Variants in ABCD2 observed in about 807,000 individuals in gnomAD.
ABCD2 encodes ATP-binding cassette sub-family D member 2.
In ABCD2, 36 loss-of-function variants were observed where a neutral mutation model predicts 70.9. That is an observed-to-expected ratio of 0.51 (90% CI 0.39 to 0.67). The LOEUF (loss-of-function observed/expected upper bound fraction) is 0.67, where lower values mean the gene tolerates loss of function less well. ABCD2 is among the 30% of genes least tolerant of loss of function. The pLI is 0.00. For missense variants in ABCD2, 729 were observed against 890.2 expected (o/e 0.82, Z 2.30); for synonymous variants, 304 against 306.9 (o/e 0.99, Z 0.10).
At chr12:39,570,191 C>A (rs1373859243) in intron 9 of ABCD2, among the ~76,000 whole-genome samples, 1 of 152,160 alleles carries the variant, frequency 6.6e-6, no homozygotes, top group Admixed American at 6.5e-5. Flanking sequence ...AATTCAATCC[C>A]TATGGAAATG....
intron 1 of ABCD2, among the ~76,000 whole-genome samples, chr12:39,618,371 A>T (rs983179348): frequency 6.6e-6 from 1 of 152,172 alleles, no homozygotes; most frequent in African/African-American, 2.4e-5. Flanking sequence ...TTGGGATTTA[A>T]GTTTTAAGAA....
intron 6 of ABCD2, among the ~76,000 whole-genome samples, chr12:39,599,399 AC>A (rs1230035640): frequency 6.6e-6 from 1 of 152,242 alleles, no homozygotes; most frequent in Non-Finnish European, 1.5e-5. Context: ...TAAAACAGAA[AC>A]TTTTGGCAGT....
At chr12:39,532,306 A>G in the ABCD2 span, among the ~76,000 whole-genome samples, 1 of 152,234 alleles carries the variant, frequency 6.6e-6, no homozygotes. Context: ...GAAATGAAAG[A>G]GAATTGTGCT....
chr12:39,533,325 C>T, the ABCD2 span, among the ~76,000 whole-genome samples: 4 of 152,258 alleles, frequency 2.6e-5, no homozygotes, highest in Admixed American at 2.6e-4. Flanking sequence ...ATGCTTATTA[C>T]TTTTACCATT....
intron 6 of ABCD2, among the ~76,000 whole-genome samples, chr12:39,593,721 G>A (rs1256074598): frequency 6.6e-6 from 1 of 152,100 alleles, no homozygotes; most frequent in Non-Finnish European, 1.5e-5. Flanking sequence ...TTCTTTTGAT[G>A]ACATAAAGGG....
chr12:39,545,938 A>C (rs1305217018), downstream of ABCD2, among the ~76,000 whole-genome samples: 2 of 152,198 alleles, frequency 1.3e-5, no homozygotes, highest in African/African-American at 4.8e-5. Flanking sequence ...GGAGCTAGAT[A>C]GTCCATTTAT....
intron 9 of ABCD2, among the ~76,000 whole-genome samples, chr12:39,566,072 A>T (rs1399704405): frequency 6.6e-6 from 1 of 152,092 alleles, no homozygotes; most frequent in Non-Finnish European, 1.5e-5. Context: ...TTCATCTGGG[A>T]TATTGGTCTA....
At chr12:39,574,935 T>G (rs1453893418) in intron 8 of ABCD2, among the ~76,000 whole-genome samples, 1 of 152,150 alleles carries the variant, frequency 6.6e-6, no homozygotes, top group East Asian at 1.9e-4. Context: ...ACTCTAAAAC[T>G]GCTCCCTATG....
chr12:39,538,167 C>CTTTTT, the ABCD2 span, among the ~76,000 whole-genome samples: 40 of 142,812 alleles, frequency 2.8e-4, 1 homozygote, highest in South Asian at 7.0e-4. Context: ...CATTTTCTTT[C>CTTTTT]TTTCTTTTTT....
At chr12:39,541,873 G>A in the ABCD2 span, among the ~76,000 whole-genome samples, 1 of 152,160 alleles carries the variant, frequency 6.6e-6, no homozygotes, top group Non-Finnish European at 1.5e-5. Flanking sequence ...ATAACATTAA[G>A]TAAAAGAATA....
At chr12:39,603,478 G>A (rs1171697771) in intron 5 of ABCD2, among the ~76,000 whole-genome samples, 3 of 151,836 alleles carry the variant, frequency 2.0e-5, no homozygotes, top group South Asian at 2.1e-4. Context: ...TAGTACATTA[G>A]TACATGTAAT....
chr12:39,572,527 A>G (rs544502203), intron 9 of ABCD2, among the ~76,000 whole-genome samples: 2 of 152,326 alleles, frequency 1.3e-5, no homozygotes, highest in South Asian at 4.1e-4. Context: ...GAAGGTTTAA[A>G]CTGAGTGTGA....
At chr12:39,574,007 G>A (rs1196789681) in intron 8 of ABCD2, among the ~76,000 whole-genome samples, 166 bp from the exon 9 acceptor site, 1 of 151,992 alleles carries the variant, frequency 6.6e-6, no homozygotes, top group Non-Finnish European at 1.5e-5. Flanking sequence ...CCCCTTCTTT[G>A]GACTATAATA....
chr12:39,572,131 C>T (rs1303151700), intron 9 of ABCD2, among the ~76,000 whole-genome samples: 3 of 152,130 alleles, frequency 2.0e-5, no homozygotes, highest in Non-Finnish European at 2.9e-5. Flanking sequence ...AATATTTGTT[C>T]CCTCAATTGA....
rs190094567 is a variant in ABCD2, at chr12:39,583,770, T to C, written c.1792+2382A>G. On this transcript the variant is annotated intron_variant, in intron 7 of 9. Transcript: ENST00000308666. ...CCTATTTAAAAGTGAGAACATACAG[T>C]AAGTATATGGTTTTCTGTTCCTGCA... Among the ~76,000 whole-genome samples, 22 of 152,310 alleles carry C rather than the reference T, an allele frequency of 1.4e-4. No homozygotes were observed. In the East Asian group the frequency reaches 4.2e-3, roughly 29 times the overall value.
chr12:39,567,225 G>T (rs1941364710), intron 9 of ABCD2, among the ~76,000 whole-genome samples: 1 of 152,218 alleles, frequency 6.6e-6, no homozygotes, highest in African/African-American at 2.4e-5. Context: ...AATGTCGACA[G>T]TGGGGTGTTA....
At chr12:39,540,535 A>G in the ABCD2 span, among the ~76,000 whole-genome samples, 1 of 152,234 alleles carries the variant, frequency 6.6e-6, no homozygotes, top group African/African-American at 2.4e-5. Flanking sequence ...CTCTATTGAC[A>G]GCACTAGATA....
chr12:39,588,809 A>G (rs1410707078), intron 6 of ABCD2, among the ~76,000 whole-genome samples: 1 of 152,206 alleles, frequency 6.6e-6, no homozygotes, highest in Admixed American at 6.5e-5. Context: ...AATGTCATAT[A>G]AAATAAAGAA....
chr12:39,550,831 C>G lies in ABCD2; in HGVS notation c.*3081G>C, dbSNP rs1941078037. ...GCATATATTAGAAGTGTGTAACATT[C>G]TCTGGACTTGGGTTTCAATGTGTAA... On this transcript the variant is annotated 3_prime_UTR_variant, in exon 10 of 10. Coordinates refer to ENST00000308666, the MANE Select transcript of ABCD2 (RefSeq NM_005164.4). 1 of 151,624 alleles carries G rather than the reference C, an allele frequency of 6.6e-6. No homozygotes were observed. The highest frequency in any genetic ancestry group is 2.4e-5 in the African/African-American group (1 of 41,412). 9.4% of individuals were successfully genotyped at this position (151,624 alleles called of 1,614,324 possible).
Sources: gnomAD v4.1 joint callset for allele counts (sites outside exome capture counted in the v4.1 genomes callset) on GRCh38, gnomAD v4.1.1 for gene constraint, MANE v1.5 for transcripts, NCBI Gene and HGNC (gene_info 2026-07-23, HGNC 2026-07-21) for gene names.